NRXN3: variants seen among roughly 807,000 people sequenced by gnomAD.
NRXN3 encodes the protein neurexin 3.
In NRXN3, 32 loss-of-function variants were observed where a neutral mutation model predicts 137.6. That is an observed-to-expected ratio of 0.23 (90% CI 0.18 to 0.31). The LOEUF (loss-of-function observed/expected upper bound fraction) is 0.31. NRXN3 is among the 10% of genes least tolerant of loss of function. The pLI is 1.00. For synonymous variants in NRXN3, 798 were observed against 784.5 expected, an observed-to-expected ratio of 1.02 and a Z score of -0.29; for missense variants, 1,574 against 2,062.5, an observed-to-expected ratio of 0.76 and a Z score of 4.59.
At position 78,404,798 on chromosome 14, in the gene NRXN3, G is replaced by A. The variant is rs544910198; in HGVS notation, c.757+106938G>A. Among the ~76,000 whole-genome samples, 10 of 152,198 alleles carry A rather than the reference G, an allele frequency of 6.6e-5. No homozygotes were observed. In the South Asian group the frequency reaches 2.1e-3, roughly 32 times the overall value. On this transcript the variant is annotated intron_variant, in intron 4 of 20. Coordinates refer to ENST00000335750, the MANE Select transcript of NRXN3 (RefSeq NM_001330195.2). ...TAGAATGATAAGATGGAGTAATAAG[G>A]GAGAGTAATGTTGATTGGTAGATAA...
chr14:78,569,897 C>G (rs975183320), intron 4 of NRXN3, among the ~76,000 whole-genome samples: 2 of 152,180 alleles, frequency 1.3e-5, no homozygotes, highest in African/African-American at 4.8e-5. Context: ...GGCTTGCACC[C>G]GGAAACTGCA....
At chr14:79,273,429 T>G (rs1217148962) in intron 15 of NRXN3, among the ~76,000 whole-genome samples, 3 of 151,816 alleles carry the variant, frequency 2.0e-5, no homozygotes, top group African/African-American at 4.8e-5. Context: ...GGTCAGGAGA[T>G]GGAGACCATC....
chr14:78,944,793 T>A (rs2099362021), intron 10 of NRXN3, among the ~76,000 whole-genome samples: 1 of 152,224 alleles, frequency 6.6e-6, no homozygotes, highest in Non-Finnish European at 1.5e-5. Context: ...AAGTTTGTGA[T>A]AATTTGCTAC....
At chr14:78,572,771 C>T (rs944491284) in intron 4 of NRXN3, among the ~76,000 whole-genome samples, 1 of 152,178 alleles carries the variant, frequency 6.6e-6, no homozygotes, top group Non-Finnish European at 1.5e-5. Flanking sequence ...TATGCTTCTT[C>T]TTCTTTGTTC....
intron 10 of NRXN3, among the ~76,000 whole-genome samples, chr14:78,877,723 T>C (rs2099117227): frequency 6.6e-6 from 1 of 152,190 alleles, no homozygotes; most frequent in Non-Finnish European, 1.5e-5. Context: ...TCAATTACAA[T>C]TTTAACTCTT....
At chr14:79,487,856 A>G (rs1201942503) in intron 16 of NRXN3, among the ~76,000 whole-genome samples, 1 of 152,196 alleles carries the variant, frequency 6.6e-6, no homozygotes, top group African/African-American at 2.4e-5. Context: ...GCTGAGAAAC[A>G]ATGAGTGTTA....
chr14:78,955,579 C>G lies in NRXN3; in HGVS notation c.2276-1663C>G, dbSNP rs142419735. Among the ~76,000 whole-genome samples the G allele has an allele frequency of 9.9e-5, 15 of 152,204 alleles. No homozygotes were observed. The East Asian group carries it at 2.9e-3, about 29-fold the overall frequency. On this transcript the variant is annotated intron_variant, in intron 10 of 20. Coordinates refer to ENST00000335750, the MANE Select transcript of NRXN3 (RefSeq NM_001330195.2). ...GAGTGCATTTGGTCCTTTAGGTTTC[C>G]TTACTAAATGTTCAAGATTCTTGTA...
intron 15 of NRXN3, among the ~76,000 whole-genome samples, chr14:79,051,542 C>T (rs948333601): frequency 2.0e-5 from 3 of 152,094 alleles, no homozygotes; most frequent in African/African-American, 7.2e-5. Context: ...TAAACAGAGT[C>T]GGCACTAAAG....
At chr14:78,720,232 C>G (rs898518565) in intron 8 of NRXN3, among the ~76,000 whole-genome samples, 1 of 152,182 alleles carries the variant, frequency 6.6e-6, no homozygotes, top group Non-Finnish European at 1.5e-5. Flanking sequence ...GCCTAGAACT[C>G]TCCCTGAAAT....
intron 4 of NRXN3, chr14:78,300,829 A>T (rs1380665288): frequency 3.1e-6 from 2 of 653,764 alleles, no homozygotes; most frequent in Non-Finnish European, 5.2e-6. Flanking sequence ...AAATAAGAAT[A>T]AAAATAAAAA....
At chr14:79,711,302 GGTTTCAAGTACTA>G (rs1474072360) in intron 19 of NRXN3, among the ~76,000 whole-genome samples, 1 of 152,044 alleles carries the variant, frequency 6.6e-6, no homozygotes, top group Non-Finnish European at 1.5e-5. Flanking sequence ...GGGCCATTCT[GGTTTCAAGTACTA>G]GTTTCATTGC....
At chr14:78,580,746 G>T (rs1322468139) in intron 4 of NRXN3, among the ~76,000 whole-genome samples, 1 of 152,174 alleles carries the variant, frequency 6.6e-6, no homozygotes, top group East Asian at 1.9e-4. Context: ...TTGTATACAT[G>T]ATTCATACTC....
In NRXN3 at chr14:79,744,247, G is replaced by C. The variant is rs1464271299; in HGVS notation, c.4014+46310G>C. On this transcript the variant is annotated intron_variant, in intron 19 of 20. Coordinates refer to ENST00000335750, the MANE Select transcript of NRXN3 (RefSeq NM_001330195.2). ...ATGTGAATGTCAGAAAAAATGTTAT[G>C]ATCAATTTCTGCCTCCAACAAGGAA... 3.9e-5 allele frequency among the ~76,000 whole-genome samples: 6 copies of C among 152,122 alleles called. No individual in the cohort carries two copies. The East Asian group carries it at 1.2e-3, about 29-fold the overall frequency.
Position 78,671,217 on chromosome 14 carries a change from A to T in NRXN3, c.1221+19891A>T, listed in dbSNP as rs1003152612. Among the ~76,000 whole-genome samples the T allele has an allele frequency of 1.6e-4, 25 of 152,218 alleles. 1 individual carries two copies. The highest frequency in any genetic ancestry group is 2.5e-4 in the Non-Finnish European group (17 of 68,028). ...AGAGGTCAGTGCCAAAGAGAGGACC[A>T]ATACGTTGAGAACTGAAAGTGCCCT... On this transcript the variant is annotated intron_variant, in intron 6 of 20. Coordinates refer to ENST00000335750, the MANE Select transcript of NRXN3 (RefSeq NM_001330195.2).
intron 4 of NRXN3, among the ~76,000 whole-genome samples, chr14:78,523,660 A>G (rs2096322899): frequency 6.7e-6 from 1 of 149,620 alleles, no homozygotes; most frequent in Non-Finnish European, 1.5e-5. Context: ...AAAAAAAAAA[A>G]AAAAAAATTA....
At chr14:78,778,462 C>T (rs2098751879) in intron 8 of NRXN3, among the ~76,000 whole-genome samples, 1 of 152,136 alleles carries the variant, frequency 6.6e-6, no homozygotes, top group African/African-American at 2.4e-5. Context: ...CAAATTATCT[C>T]TTTATTTCTT....
At chr14:78,592,968 C>T (rs1037734334) in intron 4 of NRXN3, among the ~76,000 whole-genome samples, 7 of 152,174 alleles carry the variant, frequency 4.6e-5, no homozygotes, top group Non-Finnish European at 8.8e-5. Context: ...CTGATGTCGT[C>T]GTCATCGGCA....
chr14:79,465,670 C>A (rs2096411783), intron 15 of NRXN3, among the ~76,000 whole-genome samples: 2 of 152,148 alleles, frequency 1.3e-5, no homozygotes, highest in African/African-American at 2.4e-5. Flanking sequence ...TGTAAACTAG[C>A]TCTGGAAATA....
At chr14:79,275,205 C>G (rs2080088976) in intron 15 of NRXN3, among the ~76,000 whole-genome samples, 1 of 151,972 alleles carries the variant, frequency 6.6e-6, no homozygotes, top group Non-Finnish European at 1.5e-5. Context: ...TTTTTCAGGA[C>G]TTTTATTTCA....
Sources: allele counts gnomAD v4.1 joint callset (sites outside exome capture counted in the v4.1 genomes callset), GRCh38; gene constraint gnomAD v4.1.1; transcripts MANE v1.5; gene names NCBI Gene and HGNC (gene_info 2026-07-23, HGNC 2026-07-21).